Variants in OSTC observed in about 807,000 individuals in gnomAD.
OSTC encodes oligosaccharyltransferase complex subunit OSTC.
OSTC carries 16 observed loss-of-function variants against 16.4 expected under a neutral mutation model. That is an observed-to-expected ratio of 0.98 (90% CI 0.66 to 1.49). The LOEUF (loss-of-function observed/expected upper bound fraction) is 1.49. OSTC is among the 40% of genes most tolerant of loss of function. The probability of loss-of-function intolerance (pLI) is 0.00; values close to 1 mark genes in which losing one functional copy is unlikely to be tolerated. For missense variants in OSTC, 139 were observed against 186.3 expected (o/e 0.75, Z 1.48); for synonymous variants, 67 against 68.5 (o/e 0.98, Z 0.11).
intron 2 of OSTC, among the ~76,000 whole-genome samples, chr4:108,656,986 C>T (rs4956204): frequency 0.81 from 123,196 of 151,450 alleles, 50,421 homozygotes; most frequent in East Asian, 1. Flanking sequence ...GTAGTCCCAG[C>T]GATCTGGGAG....
intron 3 of OSTC, among the ~76,000 whole-genome samples, chr4:108,658,425 TTGTGTG>T (rs77284877): frequency 3.1e-4 from 46 of 150,036 alleles, no homozygotes; most frequent in Admixed American, 2.7e-4. Flanking sequence ...ATTTATATAT[TTGTGTG>T]TGTGTGTGTG....
chr4:108,656,884 G>C (rs2110383177), intron 2 of OSTC, among the ~76,000 whole-genome samples: 1 of 152,232 alleles, frequency 6.6e-6, no homozygotes, highest in South Asian at 2.1e-4. Flanking sequence ...CGGATCACGA[G>C]GTCAGGAGAT....
At chr4:108,650,925 G>A in intron 1 of OSTC, 131 bp downstream of exon 1, 3 of 1,297,580 alleles carry the variant, frequency 2.3e-6, no homozygotes, top group Non-Finnish European at 3.1e-6. Context: ...TGAGGGTGGA[G>A]GGGAGTTCTG....
chr4:108,667,033 A>G (rs1300954168), intron 3 of OSTC, among the ~76,000 whole-genome samples: 1 of 151,874 alleles, frequency 6.6e-6, no homozygotes, highest in Non-Finnish European at 1.5e-5. Flanking sequence ...AGAGGGAAGG[A>G]TAGTAGAACT....
chr4:108,652,300 C>T (rs550373759), intron 1 of OSTC: 1 of 152,210 alleles, frequency 6.6e-6, no homozygotes, highest in East Asian at 1.9e-4. Context: ...AGTCATTATT[C>T]AATAATAATA....
At chr4:108,650,909 C>T in intron 1 of OSTC, 115 bp downstream of exon 1, 2 of 1,472,604 alleles carry the variant, frequency 1.4e-6, no homozygotes, top group Non-Finnish European at 1.8e-6. Context: ...TGCTTTGGAT[C>T]TTTTCTGAGG....
chr4:108,657,195 G>A (rs77079763), intron 2 of OSTC, among the ~76,000 whole-genome samples: 2,489 of 152,128 alleles, frequency 0.016, 59 homozygotes, highest in African/African-American at 0.056. Context: ...ACTCCATGAA[G>A]ACAAAGATTT....
intron 2 of OSTC, 144 bp from the exon 3 acceptor site, chr4:108,657,306 C>A: frequency 1.5e-6 from 1 of 681,648 alleles, no homozygotes; most frequent in Non-Finnish European, 2.4e-6. Context: ...GATGAATATC[C>A]AGAGGTATAG....
At position 108,661,951 on chromosome 4, in the gene OSTC, G is replaced by A. The variant is rs575824890; in HGVS notation, c.431+4304G>A. Among the ~76,000 whole-genome samples, 7 of 152,298 alleles carry A rather than the reference G, an allele frequency of 4.6e-5. No individual in the cohort carries two copies. The South Asian group carries it at 1.2e-3, about 27-fold the overall frequency. On this transcript the variant is annotated intron_variant, in intron 3 of 3. Coordinates refer to ENST00000361564, the MANE Select transcript of OSTC (RefSeq NM_021227.4). Reference sequence around the variant, plus strand: ...ATAAAAGGTGGCCTGTGGTGGCGTGGTAATGCCCTAAAGTCAGGTGAGGTG... The same window carrying A: ...ATAAAAGGTGGCCTGTGGTGGCGTGATAATGCCCTAAAGTCAGGTGAGGTG...
intron 3 of OSTC, among the ~76,000 whole-genome samples, chr4:108,661,489 G>C (rs540335357): frequency 1.3e-5 from 2 of 152,258 alleles, no homozygotes; most frequent in East Asian, 3.9e-4. Context: ...TAGAAGACTG[G>C]TACACGTTTG....
At chr4:108,663,241 T>C (rs761583767) in intron 3 of OSTC, 5 of 455,792 alleles carry the variant, frequency 1.1e-5, no homozygotes, top group South Asian at 7.8e-5. Context: ...AGACGGAGTC[T>C]CGCTCTGTTG....
chr4:108,650,758 G>A lies in OSTC; in HGVS notation c.103G>A (p.Ala35Thr). The change falls in exon 1 of 4, where the codon GCT (alanine) becomes ACT (threonine). Residue 35 changes from alanine (A) to threonine (T), a missense_variant. Coordinates refer to ENST00000361564, the MANE Select transcript of OSTC (RefSeq NM_021227.4). ...LHMPSAMTVY[A>T]LVVVSYFLIT... The stretch of plus-strand genomic sequence containing the variant: ...CATGCCGTCGGCCATGACTGTGTAT[G>A]CTCTGGTGGTGGTGTCTTACTTCCT... 1 of 1,614,222 alleles carries A rather than the reference G, an allele frequency of 6.2e-7. No homozygotes were observed. The highest frequency in any genetic ancestry group is 1.1e-5 in the South Asian group (1 of 91,080).
chr4:108,655,201 C>T lies in OSTC; in HGVS notation c.140-363C>T, dbSNP rs190505371. Among the ~76,000 whole-genome samples the T allele has an allele frequency of 1.7e-3, 255 of 152,310 alleles. 1 individual carries two copies. Among genetic ancestry groups the T allele is most frequent in the African/African-American group, 5.6e-3 (234 of 41,552 alleles). ...TGAAACTTGGCCGGGTGCAGTGGCT[C>T]ACACCTGTAATCCCAGCACTTTGGG... On this transcript the variant is annotated intron_variant, in intron 1 of 3. Transcript: ENST00000361564.
chr4:108,660,314 T>G lies in OSTC; in HGVS notation c.431+2667T>G, dbSNP rs112422353. On this transcript the variant is annotated intron_variant, in intron 3 of 3. Transcript: ENST00000361564. ...TGAGTTTTTAAGATGAATTTATGGTTCCCTTTCTGATATCATTTCTCATCT... is the reference window on the plus strand; with the variant it reads ...TGAGTTTTTAAGATGAATTTATGGTGCCCTTTCTGATATCATTTCTCATCT... Among the ~76,000 whole-genome samples, 486 of 152,314 alleles carry G rather than the reference T, an allele frequency of 3.2e-3. 2 individuals carry two copies. Among genetic ancestry groups the G allele is most frequent in the African/African-American group, 0.011 (459 of 41,574 alleles).
intron 1 of OSTC, 144 bp downstream of exon 1, chr4:108,650,938 G>C: frequency 2.5e-6 from 3 of 1,214,964 alleles, no homozygotes; most frequent in South Asian, 1.5e-5. Context: ...GAGTTCTGGG[G>C]TCCGAAGTGT....
At position 108,655,551 on chromosome 4, in the gene OSTC, GTCTT is replaced by G. The variant is rs1726678892; in HGVS notation, c.140-8_140-5del. The G allele has an allele frequency of 1.3e-6, 2 of 1,501,568 alleles. No individual in the cohort carries two copies. The highest frequency in any genetic ancestry group is 1.1e-5 in the South Asian group (1 of 86,998). The allele number at this position is 1,501,568 out of a possible 1,614,324, so 93.0% of individuals were successfully genotyped here. On this transcript the variant is annotated splice_polypyrimidine_tract_variant and intron_variant, in intron 1 of 3. Transcript: ENST00000361564. ...GTAATACAATCTAATCTGTTCTGTT[GTCTT>G]TCTTATAGGAATAATTTATGATGTT... is the stretch of plus-strand genomic sequence containing the variant.
Position 108,650,619 on chromosome 4 carries a change from G to A in OSTC, c.-37G>A. 1 of 1,608,162 alleles carries A rather than the reference G, an allele frequency of 6.2e-7. No individual in the cohort carries two copies. Among genetic ancestry groups the A allele is most frequent in the Non-Finnish European group, 8.5e-7 (1 of 1,176,158 alleles). On this transcript the variant is annotated 5_prime_UTR_variant, in exon 1 of 4. Transcript: ENST00000361564. Reference sequence around the variant, plus strand: ...CGGGCCTGTTTCCGGGAGGCGCGTGGGGCTTGAGGCCGAGAACGGCCCTTG... The same window carrying A: ...CGGGCCTGTTTCCGGGAGGCGCGTGAGGCTTGAGGCCGAGAACGGCCCTTG...
At chr4:108,655,473 A>AAAAAAT in intron 1 of OSTC, 91 bp from the exon 2 acceptor site, 1 of 879,064 alleles carries the variant, frequency 1.1e-6, no homozygotes, top group Non-Finnish European at 1.7e-6. Context: ...TCTCAAAAAA[A>AAAAAAT]GTAAATGAAC....
chr4:108,660,554 T>C (rs1726830836), intron 3 of OSTC, among the ~76,000 whole-genome samples: 1 of 152,194 alleles, frequency 6.6e-6, no homozygotes, highest in Admixed American at 6.5e-5. Context: ...TCATGCAAAT[T>C]ATCTATGATG....
Sources: gnomAD v4.1 joint callset for allele counts (sites outside exome capture counted in the v4.1 genomes callset) on GRCh38, gnomAD v4.1.1 for gene constraint, MANE v1.5 for transcripts, NCBI Gene and HGNC (gene_info 2026-07-23, HGNC 2026-07-21) for gene names.